Variants in MRTFB observed in about 807,000 individuals in gnomAD.
MRTFB encodes myocardin-related transcription factor B.
In MRTFB, 29 loss-of-function variants were observed where a neutral mutation model predicts 104.2. That is an observed-to-expected ratio of 0.28 (90% confidence interval 0.21 to 0.38). The LOEUF (loss-of-function observed/expected upper bound fraction) is 0.38, where lower values mean the gene tolerates loss of function less well. Among genes scored for constraint, MRTFB ranks in the 10% least tolerant of loss-of-function variants. The pLI is 1.00. For synonymous variants in MRTFB, 535 were observed against 519.5 expected, an observed-to-expected ratio of 1.03 and a Z score of -0.41; for missense variants, 1,270 against 1,341.6, an observed-to-expected ratio of 0.95 and a Z score of 0.83.
chr16:14,187,384 T>C (rs1269546446), intron 3 of MRTFB, among the ~76,000 whole-genome samples: 1 of 152,196 alleles, frequency 6.6e-6, no homozygotes, highest in Non-Finnish European at 1.5e-5. Context: ...TTTATGTTAG[T>C]GAGAACACTG....
rs2043786001 is a variant in MRTFB at position 14,261,730 on chromosome 16, T to C, written c.*286T>C. On this transcript the variant is annotated 3_prime_UTR_variant, in exon 17 of 17. Coordinates refer to ENST00000571589, the MANE Select transcript of MRTFB (RefSeq NM_001308142.2). Reference sequence around the variant, plus strand: ...TTCAGTAAAGAATGAAAAGTACCTTTAGATAAAAACAAAGAAGAGTAATAT... The same window carrying C: ...TTCAGTAAAGAATGAAAAGTACCTTCAGATAAAAACAAAGAAGAGTAATAT... 2 of 334,924 alleles carry C rather than the reference T, an allele frequency of 6.0e-6. No homozygotes were observed. Among genetic ancestry groups the C allele is most frequent in the Non-Finnish European group, 1.1e-5 (2 of 184,820 alleles). 20.7% of individuals were successfully genotyped at this position (334,924 alleles called of 1,614,324 possible). A position where few individuals can be genotyped will look rare whatever the true frequency, so the allele number is the denominator to read the frequency against.
intron 3 of MRTFB, among the ~76,000 whole-genome samples, chr16:14,208,691 C>T (rs1300800782): frequency 6.6e-6 from 1 of 152,160 alleles, no homozygotes; most frequent in East Asian, 1.9e-4. Flanking sequence ...TTAAAGTACG[C>T]AGGTCTTTGG....
the MRTFB span, among the ~76,000 whole-genome samples, chr16:14,042,955 G>A: frequency 2.0e-5 from 3 of 152,176 alleles, no homozygotes; most frequent in African/African-American, 7.2e-5. Flanking sequence ...GTTTGCTCCG[G>A]TGAGTCTCCA....
intron 3 of MRTFB, among the ~76,000 whole-genome samples, chr16:14,178,754 GT>G (rs987394651): frequency 1.3e-5 from 2 of 150,438 alleles, no homozygotes; most frequent in South Asian, 4.2e-4. Flanking sequence ...TTTTTTGTTT[GT>G]TTTTTTTTCC....
At chr16:14,021,999 T>A in the MRTFB span, among the ~76,000 whole-genome samples, 1 of 152,200 alleles carries the variant, frequency 6.6e-6, no homozygotes. Context: ...ACTCTCTGAC[T>A]TCTTCTGCCA....
chr16:14,207,124 A>G (rs1026088788), intron 3 of MRTFB, among the ~76,000 whole-genome samples: 1 of 152,172 alleles, frequency 6.6e-6, no homozygotes, highest in Non-Finnish European at 1.5e-5. Flanking sequence ...GCTCTAAATA[A>G]ATGAATGTGC....
At chr16:14,137,580 T>C (rs9924097) in intron 2 of MRTFB, among the ~76,000 whole-genome samples, 3,876 of 152,216 alleles carry the variant, frequency 0.025, 176 homozygotes, top group African/African-American at 0.088. Context: ...AATAAATAAT[T>C]TGAAATGAAA....
At chr16:14,253,122 A>G (rs1019895856) in intron 15 of MRTFB, among the ~76,000 whole-genome samples, 4 of 152,140 alleles carry the variant, frequency 2.6e-5, no homozygotes, top group African/African-American at 9.7e-5. Context: ...CAACCATACC[A>G]AGCAATGGAA....
At chr16:14,041,218 C>T in the MRTFB span, among the ~76,000 whole-genome samples, 1 of 152,106 alleles carries the variant, frequency 6.6e-6, no homozygotes, top group South Asian at 2.1e-4. Flanking sequence ...TAAAATTTAC[C>T]ATCTTGGCCT....
chr16:14,030,818 G>T, the MRTFB span, among the ~76,000 whole-genome samples: 1 of 152,138 alleles, frequency 6.6e-6, no homozygotes, highest in African/African-American at 2.4e-5. Context: ...ATTATCCAAG[G>T]TTATGTCATG....
chr16:14,166,219 T>TTTC (rs1555493211), intron 3 of MRTFB, among the ~76,000 whole-genome samples: 13 of 143,024 alleles, frequency 9.1e-5, no homozygotes, highest in South Asian at 6.4e-4. Context: ...TTTCTTTTCT[T>TTTC]TTTTTTTTTT....
At chr16:14,181,679 T>C (rs952680186) in intron 3 of MRTFB, among the ~76,000 whole-genome samples, 2 of 152,244 alleles carry the variant, frequency 1.3e-5, no homozygotes, top group Non-Finnish European at 2.9e-5. Flanking sequence ...CATTGCCCAG[T>C]TGGAAATATT....
At chr16:14,194,570 T>C (rs1297556702) in intron 3 of MRTFB, among the ~76,000 whole-genome samples, 1 of 152,238 alleles carries the variant, frequency 6.6e-6, no homozygotes, top group East Asian at 1.9e-4. Flanking sequence ...AAGAACTTTT[T>C]CTAGTGGTAT....
chr16:14,225,066 A>C (rs2041937585), intron 8 of MRTFB, among the ~76,000 whole-genome samples: 1 of 152,114 alleles, frequency 6.6e-6, no homozygotes, highest in African/African-American at 2.4e-5. Context: ...CGTGCCTGTA[A>C]TCCCAGCTAC....
chr16:14,262,555 C>G lies in MRTFB; in HGVS notation c.*1111C>G, dbSNP rs1224110413. On this transcript the variant is annotated 3_prime_UTR_variant, in exon 17 of 17. Coordinates refer to ENST00000571589, the MANE Select transcript of MRTFB (RefSeq NM_001308142.2). ...GGGCCTCCACGTCCCTGCCCTGGCC[C>G]TCTTTCTTCTGTCACTAACCCTGGT... is the stretch of plus-strand genomic sequence containing the variant. The G allele has an allele frequency of 6.6e-6, 1 of 152,232 alleles. No individual in the cohort carries two copies. The allele number at this position is 152,232 out of a possible 1,614,324, so 9.4% of individuals were successfully genotyped here.
chr16:14,080,369 CAAAT>C (rs1010972743), intron 2 of MRTFB, among the ~76,000 whole-genome samples: 10 of 152,080 alleles, frequency 6.6e-5, no homozygotes, highest in South Asian at 2.1e-4. Context: ...TTTAAATAGA[CAAAT>C]AAAATTGTAT....
chr16:14,236,558 G>A lies in MRTFB; in HGVS notation c.831+2275G>A, dbSNP rs1304599214. Among the ~76,000 whole-genome samples, 5 of 152,140 alleles carry A rather than the reference G, an allele frequency of 3.3e-5. No individual in the cohort carries two copies. In the East Asian group the frequency reaches 7.7e-4, roughly 23 times the overall value. Reference sequence around the variant, plus strand: ...GGGTGCTGGGGAGATAAGGAGAGACGTGTCTTTTAAATGAGGTGGTCTGGG... The same window carrying A: ...GGGTGCTGGGGAGATAAGGAGAGACATGTCTTTTAAATGAGGTGGTCTGGG... On this transcript the variant is annotated intron_variant, in intron 9 of 16. Transcript: ENST00000571589.
At chr16:14,158,994 A>AG (rs1205995819) in intron 3 of MRTFB, among the ~76,000 whole-genome samples, 79 of 147,888 alleles carry the variant, frequency 5.3e-4, no homozygotes, top group Non-Finnish European at 7.8e-4. Context: ...AAAAAAAAAA[A>AG]CTTAGGTGTT....
rs1241957117 is a variant in MRTFB, at chr16:14,245,545, A to G, written c.1097A>G (p.Asn366Ser). The change falls in exon 11 of 17, where the codon AAT (asparagine) becomes AGT (serine). Residue 366 changes from asparagine (N) to serine (S), a missense_variant. Asn to Ser is a conservative substitution (Grantham distance 46, BLOSUM62 1). This residue lies in a region of MRTFB where 1,144 missense variants were observed against 1,131.5 expected (regional missense o/e 1.01). Transcript: ENST00000571589. ...PAPFKPLNDK[N>S]SNSGNSALNN... ...TTTTGAAGGCCACTCAATGACAAAA[A>G]TAGTAACAGTGGGAATTCAGCTTTG... 1 of 1,611,682 alleles carries G rather than the reference A, an allele frequency of 6.2e-7. No homozygotes were observed. Among genetic ancestry groups the G allele is most frequent in the Non-Finnish European group, 8.5e-7 (1 of 1,179,344 alleles).
Sources: allele counts gnomAD v4.1 joint callset (sites outside exome capture counted in the v4.1 genomes callset), GRCh38; gene constraint gnomAD v4.1.1; regional missense constraint gnomAD v4.1.1; transcripts MANE v1.5; gene names NCBI Gene and HGNC (gene_info 2026-07-23, HGNC 2026-07-21).